The following ACVR1 variants were observed in gnomAD, a reference collection of about 807,000 sequenced individuals.
ACVR1 encodes activin receptor type-1.
A neutral mutation model predicts 57.1 loss-of-function variants in ACVR1; 38 were observed. The ratio of observed to expected loss-of-function variants is 0.67; its 90% confidence interval spans 0.51 to 0.87. The LOEUF is 0.87. ACVR1 is among the 40% of genes least tolerant of loss of function. The pLI, the probability that ACVR1 is intolerant of heterozygous loss-of-function variation, is 0.00. For synonymous variants in ACVR1, 212 were observed against 228.1 expected (o/e 0.93, Z 0.63); for missense variants, 463 against 638.2 (o/e 0.73, Z 2.96).
At chr2:157,866,444 C>A (rs185390294) in intron 1 of ACVR1, among the ~76,000 whole-genome samples, 17 of 151,790 alleles carry the variant, frequency 1.1e-4, no homozygotes, top group Admixed American at 9.8e-4. Context: ...CCAAGGGAGG[C>A]GGGGGGGAAA....
At chr2:157,780,648 C>A in intron 3 of ACVR1, 48 bp from the exon 4 acceptor site, 4 of 1,598,640 alleles carry the variant, frequency 2.5e-6, no homozygotes, top group Non-Finnish European at 3.4e-6. Context: ...AGAGGAATTA[C>A]CGTATGAGTT....
intron 9 of ACVR1, among the ~76,000 whole-genome samples, chr2:157,756,354 C>T (rs2105244431): frequency 6.6e-6 from 1 of 152,200 alleles, no homozygotes; most frequent in South Asian, 2.1e-4. Context: ...AAGGAACAGT[C>T]AGCAGGGTAA....
intron 3 of ACVR1, among the ~76,000 whole-genome samples, chr2:157,793,194 G>C (rs1345309106): frequency 6.6e-6 from 1 of 152,152 alleles, no homozygotes; most frequent in Non-Finnish European, 1.5e-5. Flanking sequence ...ACACTTAGAA[G>C]TGACTGCACT....
At chr2:157,806,596 CAT>C (rs1277214460) in intron 2 of ACVR1, 4 of 152,176 alleles carry the variant, frequency 2.6e-5, no homozygotes, top group African/African-American at 9.7e-5. Flanking sequence ...CAAGAACAGT[CAT>C]ATCTCTTCTA....
rs1371524297 is a variant in ACVR1 at position 157,737,307 on chromosome 2, G to A, written c.*224C>T. The stretch of plus-strand genomic sequence containing the variant: ...TGTCTGTCCAACATTAGTCTCTGCA[G>A]TGTGAACAGTTCGTGAAATGCCCAG... On this transcript the variant is annotated 3_prime_UTR_variant, in exon 11 of 11. Coordinates refer to ENST00000434821, the MANE Select transcript of ACVR1 (RefSeq NM_001111067.4). 4.9e-6 allele frequency: 3 copies of A among 617,754 alleles called. No homozygotes were observed. The highest frequency in any genetic ancestry group is 8.8e-6 in the Non-Finnish European group (3 of 341,954). The allele number at this position is 617,754 out of a possible 1,614,324, so 38.3% of individuals were successfully genotyped here.
intron 1 of ACVR1, among the ~76,000 whole-genome samples, chr2:157,855,354 G>A (rs1689496474): frequency 7.8e-6 from 1 of 127,548 alleles, no homozygotes; most frequent in East Asian, 2.6e-4. Context: ...ACAAAAATTA[G>A]CCGGACGTGG....
chr2:157,857,070 G>A (rs546199516), intron 1 of ACVR1, among the ~76,000 whole-genome samples: 31 of 152,106 alleles, frequency 2.0e-4, no homozygotes, highest in South Asian at 4.1e-4. Context: ...GTGGTGGTAC[G>A]CACTGTAGTC....
chr2:157,766,735 C>T (rs76127992), intron 7 of ACVR1, among the ~76,000 whole-genome samples: 1 of 152,144 alleles, frequency 6.6e-6, no homozygotes, highest in African/African-American at 2.4e-5. Flanking sequence ...AAAAAAGAAA[C>T]CAACCAAATA....
intron 1 of ACVR1, among the ~76,000 whole-genome samples, chr2:157,860,823 C>T (rs1476596373): frequency 1.3e-5 from 2 of 152,154 alleles, no homozygotes; most frequent in Non-Finnish European, 2.9e-5. Flanking sequence ...TTTACCCCTT[C>T]CTACGCTCAA....
At chr2:157,800,713 T>C (rs1687291940) in intron 2 of ACVR1, among the ~76,000 whole-genome samples, 5 of 152,174 alleles carry the variant, frequency 3.3e-5, no homozygotes, top group Admixed American at 2.0e-4. Flanking sequence ...ACTACTGTTG[T>C]TGTTTTTATT....
chr2:157,737,137 T>C lies in ACVR1; in HGVS notation c.*394A>G, dbSNP rs1684561588. On this transcript the variant is annotated 3_prime_UTR_variant, in exon 11 of 11. Transcript: ENST00000434821. Reference sequence around the variant, plus strand: ...ATAAAGAAGAGAAGCACAGGCAATATTGCTGATTAAAAATTCACCACCTCC... The same window carrying C: ...ATAAAGAAGAGAAGCACAGGCAATACTGCTGATTAAAAATTCACCACCTCC... The C allele has an allele frequency of 5.8e-6, 2 of 343,570 alleles. No homozygotes were observed. Among genetic ancestry groups the C allele is most frequent in the African/African-American group, 2.0e-5 (1 of 48,880 alleles). 21.3% of individuals were successfully genotyped at this position (343,570 alleles called of 1,614,324 possible).
At chr2:157,767,684 T>C (rs762812941) in intron 7 of ACVR1, among the ~76,000 whole-genome samples, 2 of 152,212 alleles carry the variant, frequency 1.3e-5, no homozygotes, top group Non-Finnish European at 2.9e-5. Context: ...CATGAGATTT[T>C]TCCCAACAAG....
At chr2:157,837,206 T>C (rs1033630249) in intron 1 of ACVR1, among the ~76,000 whole-genome samples, 4 of 152,228 alleles carry the variant, frequency 2.6e-5, no homozygotes, top group Non-Finnish European at 4.4e-5. Context: ...GAGGCAGAGC[T>C]AGGTAATCAG....
At chr2:157,826,820 G>A (rs1421773487) in intron 1 of ACVR1, among the ~76,000 whole-genome samples, 1 of 127,642 alleles carries the variant, frequency 7.8e-6, no homozygotes, top group Non-Finnish European at 1.7e-5. Context: ...GAAAGGAAAG[G>A]GGAGAGGGGA....
intron 1 of ACVR1, among the ~76,000 whole-genome samples, chr2:157,872,715 G>A (rs189473427): frequency 1.3e-5 from 2 of 152,306 alleles, no homozygotes; most frequent in Non-Finnish European, 2.9e-5. Context: ...TCAGCATAGT[G>A]CAGTAAAATA....
intron 2 of ACVR1, among the ~76,000 whole-genome samples, chr2:157,803,121 TA>T (rs201831306): frequency 2.8e-4 from 41 of 147,266 alleles, no homozygotes; most frequent in East Asian, 2.2e-3. Flanking sequence ...CTTTTACTAT[TA>T]AAAAAAAAAA....
intron 1 of ACVR1, among the ~76,000 whole-genome samples, chr2:157,858,533 G>A (rs1487086695): frequency 4.6e-5 from 7 of 152,148 alleles, no homozygotes; most frequent in Admixed American, 1.3e-4. Context: ...GTGCAGTGGC[G>A]CAACCTTGGC....
chr2:157,870,897 A>G (rs1324300246), intron 1 of ACVR1, among the ~76,000 whole-genome samples: 1 of 152,170 alleles, frequency 6.6e-6, no homozygotes, highest in South Asian at 2.1e-4. Flanking sequence ...ATCCTTACGG[A>G]CCACAGTGAC....
rs1475727083 is a variant in ACVR1 at position 157,753,298 on chromosome 2, G to A, written c.1264+7582C>T. On this transcript the variant is annotated intron_variant, in intron 9 of 10. Coordinates refer to ENST00000434821, the MANE Select transcript of ACVR1 (RefSeq NM_001111067.4). ...TAATCCCAACACTTTGGGAGGCCGA[G>A]GCGGGCAGATCACAAGGTCAGGAGT... Among the ~76,000 whole-genome samples, 3 of 152,240 alleles carry A rather than the reference G, an allele frequency of 2.0e-5. No homozygotes were observed. The East Asian group carries it at 5.8e-4, about 29-fold the overall frequency.
Sources: allele counts gnomAD v4.1 joint callset (sites outside exome capture counted in the v4.1 genomes callset), GRCh38; gene constraint gnomAD v4.1.1; transcripts MANE v1.5; gene names NCBI Gene and HGNC (gene_info 2026-07-23, HGNC 2026-07-21).